Variants in EYS observed in about 807,000 individuals in gnomAD.
EYS encodes the protein protein eyes shut homolog.
EYS carries 250 observed loss-of-function variants against 282.1 expected under a neutral mutation model. The observed-to-expected ratio is 0.89, with a 90% CI of 0.80 to 0.98. EYS has a LOEUF of 0.98. Ranked by LOEUF, EYS falls within the 50% of genes least tolerant of loss-of-function variation. The probability of loss-of-function intolerance (pLI) is 0.00; values close to 1 mark genes in which losing one functional copy is unlikely to be tolerated. For synonymous variants in EYS, 1,355 were observed against 1,282.9 expected, an observed-to-expected ratio of 1.06 and a Z score of -1.20; for missense variants, 4,016 against 3,709.0, an observed-to-expected ratio of 1.08 and a Z score of -2.15.
At chr6:63,954,422 A>T (rs956303056) in intron 35 of EYS, among the ~76,000 whole-genome samples, 3 of 151,966 alleles carry the variant, frequency 2.0e-5, no homozygotes, top group Non-Finnish European at 2.9e-5. Flanking sequence ...ATTTATACTG[A>T]CTCTTAACAT....
intron 37 of EYS, among the ~76,000 whole-genome samples, chr6:63,798,672 A>C (rs754496163): frequency 2.2e-4 from 33 of 151,776 alleles, no homozygotes; most frequent in Admixed American, 5.3e-4. Flanking sequence ...CCCTGCTTCA[A>C]TTTTCTTTTT....
At position 65,688,375 on chromosome 6, in the gene EYS, G is replaced by A. The variant is rs147777738; in HGVS notation, c.-448+18760C>T. ...TAAATGGTGCTGGGAAAACTGGCTG[G>A]CCATATGTAGAAAGCTGAAACTGGA... On this transcript the variant is annotated intron_variant, in intron 1 of 42. Coordinates refer to ENST00000503581, the MANE Select transcript of EYS (RefSeq NM_001142800.2). Among the ~76,000 whole-genome samples, 837 of 152,204 alleles carry A rather than the reference G, an allele frequency of 5.5e-3. 8 individuals carry two copies. Among genetic ancestry groups the A allele is most frequent in the African/African-American group, 0.019 (785 of 41,512 alleles).
At chr6:64,459,098 T>G (rs1053223572) in intron 26 of EYS, among the ~76,000 whole-genome samples, 8 of 152,214 alleles carry the variant, frequency 5.3e-5, no homozygotes, top group Admixed American at 2.0e-4. Flanking sequence ...AGCTAGGTTT[T>G]GAGAATTATG....
intron 35 of EYS, among the ~76,000 whole-genome samples, chr6:63,918,056 G>A (rs1191918374): frequency 6.6e-6 from 1 of 152,138 alleles, no homozygotes; most frequent in Non-Finnish European, 1.5e-5. Flanking sequence ...CTTTATCCCA[G>A]GCTGTGCAGA....
intron 35 of EYS, among the ~76,000 whole-genome samples, chr6:63,974,247 C>T (rs1766725073): frequency 6.6e-6 from 1 of 151,800 alleles, no homozygotes; most frequent in South Asian, 2.1e-4. Context: ...TGCATGAATT[C>T]AATCTATAAG....
At chr6:65,247,252 T>A (rs1336516046) in intron 12 of EYS, among the ~76,000 whole-genome samples, 1 of 152,048 alleles carries the variant, frequency 6.6e-6, no homozygotes, top group Middle Eastern at 3.2e-3. Context: ...ATATGCTCAC[T>A]TGACTCAAGG....
intron 22 of EYS, among the ~76,000 whole-genome samples, chr6:64,699,225 C>A (rs1000922987): frequency 5.9e-5 from 9 of 151,856 alleles, no homozygotes; most frequent in Admixed American, 5.9e-4. Context: ...ACACAGGAAC[C>A]GAAAACCAAA....
At chr6:64,040,109 G>T (rs1225868287) in intron 33 of EYS, among the ~76,000 whole-genome samples, 1 of 152,130 alleles carries the variant, frequency 6.6e-6, no homozygotes, top group Non-Finnish European at 1.5e-5. Context: ...CTGAAAAAAC[G>T]TTTTCAGTTC....
chr6:64,264,269 G>C (rs537108840), intron 30 of EYS, among the ~76,000 whole-genome samples: 35 of 152,208 alleles, frequency 2.3e-4, no homozygotes, highest in African/African-American at 7.2e-4. Context: ...TCACAATTCG[G>C]CAGGTTGCTA....
chr6:63,735,774 A>G (rs1768896028), intron 41 of EYS, among the ~76,000 whole-genome samples: 1 of 152,098 alleles, frequency 6.6e-6, no homozygotes, highest in Admixed American at 6.6e-5. Flanking sequence ...CCCTTCAGGA[A>G]TGCGTTACAT....
chr6:65,418,202 A>G (rs1582266302), intron 5 of EYS, among the ~76,000 whole-genome samples: 1 of 152,110 alleles, frequency 6.6e-6, no homozygotes, highest in African/African-American at 2.4e-5. Context: ...AAGTATTCCT[A>G]GTAGAAAAAC....
intron 29 of EYS, among the ~76,000 whole-genome samples, chr6:64,342,287 A>C (rs1367662536): frequency 6.6e-6 from 1 of 151,700 alleles, no homozygotes; most frequent in Non-Finnish European, 1.5e-5. Context: ...AGAAAGAACC[A>C]CCCAAAAATG....
At chr6:64,686,977 C>G (rs1770173262) in intron 22 of EYS, among the ~76,000 whole-genome samples, 1 of 141,636 alleles carries the variant, frequency 7.1e-6, no homozygotes, top group Admixed American at 7.2e-5. Flanking sequence ...ATTCTAAAAA[C>G]CTAGAAAAAC....
At chr6:64,997,476 T>G in intron 14 of EYS, 106 bp downstream of exon 14, 1 of 1,021,528 alleles carries the variant, frequency 9.8e-7, no homozygotes, top group Non-Finnish European at 1.4e-6. Context: ...GCATATGTAA[T>G]ATATATACTA....
chr6:65,327,495 T>G (rs144579897), intron 11 of EYS, among the ~76,000 whole-genome samples: 138 of 151,774 alleles, frequency 9.1e-4, no homozygotes, highest in Middle Eastern at 3.4e-3. Context: ...CTATTATACT[T>G]TTAAAGGTGT....
At chr6:64,319,857 A>G (rs978686163) in intron 29 of EYS, among the ~76,000 whole-genome samples, 2 of 151,868 alleles carry the variant, frequency 1.3e-5, no homozygotes, top group African/African-American at 2.4e-5. Flanking sequence ...TTCTTTTCTC[A>G]GTTTTCCTCA....
rs555016746 is a variant in EYS, at chr6:64,448,043, C to T, written c.5645-8691G>A. Among the ~76,000 whole-genome samples the T allele has an allele frequency of 4.6e-5, 7 of 152,362 alleles. No homozygotes were observed. The South Asian group carries it at 1.2e-3, about 27-fold the overall frequency. On this transcript the variant is annotated intron_variant, in intron 26 of 42. Transcript: ENST00000503581. Reference sequence around the variant, plus strand: ...TGGGTGCAGTGCACCGTGCGTGAGCCTAAGCAGGGCGAGGCATTACCTCAT... The same window carrying T: ...TGGGTGCAGTGCACCGTGCGTGAGCTTAAGCAGGGCGAGGCATTACCTCAT...
At chr6:64,690,010 T>C (rs369638746) in intron 22 of EYS, among the ~76,000 whole-genome samples, 10 of 151,800 alleles carry the variant, frequency 6.6e-5, no homozygotes, top group Admixed American at 6.6e-5. Context: ...TTCTGCACAG[T>C]AAAAGAAACT....
At chr6:64,814,759 A>G (rs1012228562) in intron 21 of EYS, among the ~76,000 whole-genome samples, 2 of 152,000 alleles carry the variant, frequency 1.3e-5, no homozygotes, top group Non-Finnish European at 2.9e-5. Flanking sequence ...CCTAAAGATA[A>G]TATCTTAATG....
Sources: gnomAD v4.1 joint callset for allele counts (sites outside exome capture counted in the v4.1 genomes callset) on GRCh38, gnomAD v4.1.1 for gene constraint, MANE v1.5 for transcripts, NCBI Gene and HGNC (gene_info 2026-07-23, HGNC 2026-07-21) for gene names.